The following IQGAP2 variants were observed in gnomAD, a reference collection of about 807,000 sequenced individuals.
IQGAP2 encodes ras GTPase-activating-like protein IQGAP2.
Under a neutral mutation model 201.3 loss-of-function variants are expected in IQGAP2, and 173 were observed. The observed-to-expected ratio is 0.86, with a 90% CI of 0.76 to 0.98. IQGAP2 has a LOEUF of 0.98. IQGAP2 is among the 50% of genes least tolerant of loss of function. IQGAP2 has a pLI of 0.00. For synonymous variants in IQGAP2, 675 were observed against 673.9 expected (o/e 1.00, Z -0.03); for missense variants, 1,687 against 1,864.8 (o/e 0.90, Z 1.76).
intron 2 of IQGAP2, among the ~76,000 whole-genome samples, chr5:76,490,255 C>T (rs1245105825): frequency 6.6e-6 from 1 of 152,152 alleles, no homozygotes; most frequent in Non-Finnish European, 1.5e-5. Context: ...TTAGGCAACT[C>T]TGGTCTACTC....
At chr5:76,471,428 T>C (rs1755100962) in intron 2 of IQGAP2, among the ~76,000 whole-genome samples, 1 of 150,504 alleles carries the variant, frequency 6.6e-6, no homozygotes, top group Non-Finnish European at 1.5e-5. Context: ...AATATTATCT[T>C]CAAAGGTCTC....
At position 76,554,770 on chromosome 5, in the gene IQGAP2, A is replaced by G. The variant is rs75963712; in HGVS notation, c.147-7626A>G. Among the ~76,000 whole-genome samples, 3 of 152,336 alleles carry G rather than the reference A, an allele frequency of 2.0e-5. No homozygotes were observed. The East Asian group carries it at 5.8e-4, about 29-fold the overall frequency. On this transcript the variant is annotated intron_variant, in intron 2 of 35. Transcript: ENST00000274364. ...TGGAAGTCCTAAAAAGATGAAACAT[A>G]GAGTTACCATATGACCCAGCAATTC...
At chr5:76,547,925 C>T (rs1200786885) in intron 2 of IQGAP2, among the ~76,000 whole-genome samples, 1 of 152,192 alleles carries the variant, frequency 6.6e-6, no homozygotes, top group African/African-American at 2.4e-5. Context: ...GACATTGGAT[C>T]TCATATGTTC....
At chr5:76,438,337 T>G (rs920900475) in intron 1 of IQGAP2, among the ~76,000 whole-genome samples, 6 of 152,218 alleles carry the variant, frequency 3.9e-5, no homozygotes, top group African/African-American at 7.2e-5. Flanking sequence ...TTCCAGGAAT[T>G]CATCCATTTC....
At chr5:76,614,999 G>C (rs1395919011) in intron 13 of IQGAP2, among the ~76,000 whole-genome samples, 1 of 152,134 alleles carries the variant, frequency 6.6e-6, no homozygotes, top group East Asian at 1.9e-4. Flanking sequence ...AAGATTCTGG[G>C]TCCTCTTTAG....
At chr5:76,589,070 T>C (rs1373012965) in intron 6 of IQGAP2, 97 bp downstream of exon 6, 8 of 709,232 alleles carry the variant, frequency 1.1e-5, no homozygotes, top group Non-Finnish European at 1.9e-5. Context: ...TCCCAGCACT[T>C]TGGGAGGCCG....
At chr5:76,671,685 C>T (rs1236292065) in intron 23 of IQGAP2, 74 bp from the exon 24 acceptor site, 22 of 993,112 alleles carry the variant, frequency 2.2e-5, no homozygotes, top group Non-Finnish European at 2.9e-5. Context: ...AAGACTGTCT[C>T]GGGGAAAAAA....
At chr5:76,701,647 A>G (rs1001322722) in intron 34 of IQGAP2, 1 of 155,386 alleles carries the variant, frequency 6.4e-6, no homozygotes, top group Non-Finnish European at 1.4e-5. Context: ...CCTCCTTCAC[A>G]GCCCCACATC....
chr5:76,496,745 C>CTTTCTTTCTTTCTTTCTTTCTTTCTTTCT lies in IQGAP2; in HGVS notation c.146+35079_146+35107dup, dbSNP rs1756960915. Among the ~76,000 whole-genome samples, 8 of 51,098 alleles carry CTTTCTTTCTTTCTTTCTTTCTTTCTTTCT rather than the reference C, an allele frequency of 1.6e-4. No individual in the cohort carries two copies. The Admixed American group carries it at 1.6e-3, about 10-fold the overall frequency. 33.5% of individuals were successfully genotyped at this position (51,098 alleles called of 152,430 possible). A position where few individuals can be genotyped will look rare whatever the true frequency, so the allele number is the denominator to read the frequency against. On this transcript the variant is annotated intron_variant, in intron 2 of 35. Transcript: ENST00000274364. ...CTTTCTTTTCTTTCTTTCTTTCTTT[C>CTTTCTTTCTTTCTTTCTTTCTTTCTTTCT]TTTCTTTCTTTCTTTCTTTCTTTCT... is the stretch of plus-strand genomic sequence containing the variant.
intron 28 of IQGAP2, among the ~76,000 whole-genome samples, chr5:76,682,736 G>A (rs1018657082): frequency 1.3e-5 from 2 of 152,310 alleles, no homozygotes; most frequent in East Asian, 1.9e-4. Context: ...TTACTGCATA[G>A]AGATGTAAAT....
intron 35 of IQGAP2, 53 bp from the exon 36 acceptor site, chr5:76,707,147 T>A: frequency 1.1e-6 from 1 of 873,882 alleles, no homozygotes; most frequent in East Asian, 2.4e-5. Flanking sequence ...ATATGTTTTT[T>A]AAATGCACAA....
rs750133277 is a variant in IQGAP2 at position 76,707,252 on chromosome 5, A to C, written c.4667A>C (p.Lys1556Thr). The change falls in exon 36 of 36, where the codon AAG becomes ACG. Residue 1556 changes from lysine to threonine, a missense_variant. Lys to Thr is a moderately conservative substitution (Grantham distance 78). Transcript: ENST00000274364. ...GTAGCTGTAATGAAAATGTTTGATA[A>C]GGTTAAAGTGAATGTAAACCTTCTC... ...EGVAVMKMFD[K>T]VKVNVNLLIY... 1 of 1,585,056 alleles carries C rather than the reference A, an allele frequency of 6.3e-7. No individual in the cohort carries two copies. The highest frequency in any genetic ancestry group is 1.1e-5 in the South Asian group (1 of 90,460).
intron 2 of IQGAP2, among the ~76,000 whole-genome samples, chr5:76,546,547 C>T (rs1743109029): frequency 6.6e-6 from 1 of 152,180 alleles, no homozygotes; most frequent in South Asian, 2.1e-4. Context: ...ATAGGAAACT[C>T]CTGTTATGTC....
chr5:76,582,127 G>A (rs1188858697), intron 5 of IQGAP2, among the ~76,000 whole-genome samples: 7 of 152,186 alleles, frequency 4.6e-5, no homozygotes, highest in Admixed American at 2.6e-4. Flanking sequence ...GGCACAGAGA[G>A]GCTGCCGAAG....
chr5:76,691,169 G>T (rs540173215), intron 30 of IQGAP2, among the ~76,000 whole-genome samples: 30 of 152,318 alleles, frequency 2.0e-4, no homozygotes, highest in Middle Eastern at 6.8e-3. Flanking sequence ...GGACTGGATG[G>T]TTACTTATGT....
chr5:76,419,673 C>CTTTTT (rs57338854), intron 1 of IQGAP2, among the ~76,000 whole-genome samples: 4 of 141,810 alleles, frequency 2.8e-5, no homozygotes, highest in Non-Finnish European at 6.2e-5. Context: ...CTTTTCTTTT[C>CTTTTT]TTTTTTTTTT....
At chr5:76,626,889 TGAAA>T (rs2150375490) in intron 13 of IQGAP2, among the ~76,000 whole-genome samples, 1 of 152,212 alleles carries the variant, frequency 6.6e-6, no homozygotes, top group East Asian at 1.9e-4. Context: ...TATTGTGGTC[TGAAA>T]GAGACTCGTG....
chr5:76,701,777 C>T (rs1445515039), intron 34 of IQGAP2: 1 of 152,628 alleles, frequency 6.6e-6, no homozygotes, highest in African/African-American at 2.4e-5. Flanking sequence ...TAACTCCTGC[C>T]TTCCTTCAAA....
At chr5:76,407,924 A>C (rs1282806304) in intron 1 of IQGAP2, among the ~76,000 whole-genome samples, 3 of 152,158 alleles carry the variant, frequency 2.0e-5, no homozygotes, top group African/African-American at 7.2e-5. Context: ...TGAGGTCACG[A>C]GTTTGAGACT....
Sources: gnomAD v4.1 joint callset for allele counts (sites outside exome capture counted in the v4.1 genomes callset) on GRCh38, gnomAD v4.1.1 for gene constraint, MANE v1.5 for transcripts, NCBI Gene and HGNC (gene_info 2026-07-23, HGNC 2026-07-21) for gene names.